ADGRL2: variants seen among roughly 807,000 people sequenced by gnomAD.
ADGRL2 encodes calcium-independent alpha-latrotoxin receptor 2.
Under a neutral mutation model 157.4 loss-of-function variants are expected in ADGRL2, and 44 were observed. That is an observed-to-expected ratio of 0.28 (90% CI 0.22 to 0.36). The LOEUF (loss-of-function observed/expected upper bound fraction) is 0.36, where lower values mean the gene tolerates loss of function less well. Ranked by LOEUF, ADGRL2 falls within the 10% of genes least tolerant of loss-of-function variation. The probability of loss-of-function intolerance (pLI) is 1.00; values close to 1 mark genes in which losing one functional copy is unlikely to be tolerated. For missense variants in ADGRL2, 1,510 were observed against 1,768.9 expected (o/e 0.85, Z 2.63); for synonymous variants, 585 against 624.7 (o/e 0.94, Z 0.95).
At chr1:81,634,284 A>G (rs2082072013) in intron 3 of ADGRL2, among the ~76,000 whole-genome samples, 1 of 152,200 alleles carries the variant, frequency 6.6e-6, no homozygotes, top group Non-Finnish European at 1.5e-5. Flanking sequence ...CACTCTCATT[A>G]GGCCTCTTTA....
At chr1:81,987,974 T>C in intron 23 of ADGRL2, 88 bp downstream of exon 23, 1 of 279,056 alleles carries the variant, frequency 3.6e-6, no homozygotes, top group Non-Finnish European at 7.6e-6. Context: ...TAACTAGCAG[T>C]CATGAAGTAG....
At chr1:81,615,451 A>C (rs1414571561) in intron 3 of ADGRL2, among the ~76,000 whole-genome samples, 2 of 152,106 alleles carry the variant, frequency 1.3e-5, no homozygotes, top group Admixed American at 1.3e-4. Context: ...GAGCTGTAAC[A>C]CTCACCGCGA....
At chr1:81,705,625 A>G (rs1319987995) in intron 1 of ADGRL2, among the ~76,000 whole-genome samples, 2 of 151,886 alleles carry the variant, frequency 1.3e-5, no homozygotes, top group Admixed American at 6.6e-5. Context: ...CCTATAGAAA[A>G]GAGGTGAAGG....
intron 2 of ADGRL2, among the ~76,000 whole-genome samples, chr1:81,869,837 C>T (rs1014576350): frequency 2.0e-5 from 3 of 151,712 alleles, no homozygotes; most frequent in Non-Finnish European, 2.9e-5. Context: ...GTCTTCAATG[C>T]GGCCAAGTGT....
intron 1 of ADGRL2, among the ~76,000 whole-genome samples, chr1:81,818,998 G>A (rs549746170): frequency 6.6e-6 from 1 of 152,252 alleles, no homozygotes; most frequent in South Asian, 2.1e-4. Flanking sequence ...TGAAACGGGT[G>A]TGTTAGTTTG....
At chr1:81,530,867 G>A (rs752179606) in intron 2 of ADGRL2, among the ~76,000 whole-genome samples, 35 of 152,000 alleles carry the variant, frequency 2.3e-4, no homozygotes, top group African/African-American at 6.5e-4. Flanking sequence ...GGCAGATCAC[G>A]AGGTCGGGAG....
At chr1:81,914,015 C>T (rs920733002) in intron 3 of ADGRL2, among the ~76,000 whole-genome samples, 7 of 152,032 alleles carry the variant, frequency 4.6e-5, no homozygotes, top group African/African-American at 1.7e-4. Flanking sequence ...CACACACACA[C>T]ACCCCTTTAC....
intron 3 of ADGRL2, among the ~76,000 whole-genome samples, chr1:81,613,750 C>T (rs1353442733): frequency 6.6e-6 from 1 of 152,150 alleles, no homozygotes; most frequent in African/African-American, 2.4e-5. Flanking sequence ...ATAAAAATAG[C>T]TAGGAGTGGG....
chr1:81,487,330 T>C (rs2147925127), intron 2 of ADGRL2, among the ~76,000 whole-genome samples: 1 of 152,072 alleles, frequency 6.6e-6, no homozygotes, highest in Non-Finnish European at 1.5e-5. Context: ...ACATAATTAA[T>C]ATAAATATAA....
chr1:81,628,321 T>G (rs1570677728), intron 3 of ADGRL2, among the ~76,000 whole-genome samples: 1 of 152,132 alleles, frequency 6.6e-6, no homozygotes, highest in East Asian at 1.9e-4. Context: ...CTCGGAGCTA[T>G]CATTTGGGTG....
chr1:81,590,448 C>G (rs566497079), intron 3 of ADGRL2, among the ~76,000 whole-genome samples: 10 of 152,092 alleles, frequency 6.6e-5, no homozygotes, highest in Non-Finnish European at 1.2e-4. Context: ...GGTGACTGCA[C>G]TCACTTTGCT....
chr1:81,424,037 C>G (rs990852614), intron 1 of ADGRL2, among the ~76,000 whole-genome samples: 2 of 152,244 alleles, frequency 1.3e-5, no homozygotes, highest in East Asian at 3.9e-4. Context: ...AGCATTATAT[C>G]GCACACTTCA....
At chr1:81,735,155 T>C (rs1378206971) in intron 1 of ADGRL2, 1 of 146,968 alleles carries the variant, frequency 6.8e-6, no homozygotes, top group Non-Finnish European at 1.5e-5. Context: ...ATTGGAGTGA[T>C]GCGTCTACAA....
At chr1:81,634,973 G>C (rs2082088170) in intron 3 of ADGRL2, among the ~76,000 whole-genome samples, 1 of 152,104 alleles carries the variant, frequency 6.6e-6, no homozygotes, top group Non-Finnish European at 1.5e-5. Flanking sequence ...CTTTCTTCAG[G>C]GGTTTGCTTG....
chr1:81,704,254 T>C (rs2083663265), intron 1 of ADGRL2, among the ~76,000 whole-genome samples: 1 of 152,242 alleles, frequency 6.6e-6, no homozygotes, highest in South Asian at 2.1e-4. Context: ...CCTAAAAGTC[T>C]GACTGTCTGC....
At chr1:81,839,894 T>TATATATATATTTTCCATC (rs2092476982) in intron 2 of ADGRL2, among the ~76,000 whole-genome samples, 1 of 110,200 alleles carries the variant, frequency 9.1e-6, no homozygotes, top group African/African-American at 3.2e-5. Context: ...TTTTCCATCA[T>TATATATATATTTTCCATC]ATATATATAT....
chr1:81,371,488 G>C (rs1375425349), intron 1 of ADGRL2, among the ~76,000 whole-genome samples: 1 of 152,144 alleles, frequency 6.6e-6, no homozygotes, highest in Non-Finnish European at 1.5e-5. Context: ...TATTAATATT[G>C]ACACTTGTAA....
At chr1:81,311,925 G>C (rs1423568351) in intron 1 of ADGRL2, among the ~76,000 whole-genome samples, 1 of 152,188 alleles carries the variant, frequency 6.6e-6, no homozygotes, top group Non-Finnish European at 1.5e-5. Flanking sequence ...GAATGGGGAA[G>C]AGATGAGGAG....
intron 3 of ADGRL2, among the ~76,000 whole-genome samples, chr1:81,616,892 G>C (rs1009922427): frequency 2.0e-5 from 3 of 152,032 alleles, no homozygotes; most frequent in Non-Finnish European, 4.4e-5. Context: ...TGCCCAGGCT[G>C]GTCGCAAAAG....
Sources: gnomAD v4.1 joint callset for allele counts (sites outside exome capture counted in the v4.1 genomes callset) on GRCh38, gnomAD v4.1.1 for gene constraint, MANE v1.5 for transcripts, NCBI Gene and HGNC (gene_info 2026-07-23, HGNC 2026-07-21) for gene names.